The following TMEM132B variants were observed in gnomAD, a reference collection of about 807,000 sequenced individuals.
TMEM132B encodes transmembrane protein 132B.
Under a neutral mutation model 90.8 loss-of-function variants are expected in TMEM132B, and 18 were observed. The ratio of observed to expected loss-of-function variants is 0.20; its 90% CI spans 0.14 to 0.29. The LOEUF (loss-of-function observed/expected upper bound fraction) is 0.29. Ranked by LOEUF, TMEM132B falls within the 10% of genes least tolerant of loss-of-function variation. The pLI is 1.00. For missense variants in TMEM132B, 1,096 were observed against 1,326.8 expected (o/e 0.83, Z 2.70); for synonymous variants, 504 against 523.3 (o/e 0.96, Z 0.50).
chr12:125,320,642 G>T (rs434211), intron 1 of TMEM132B, among the ~76,000 whole-genome samples: 13 of 151,738 alleles, frequency 8.6e-5, no homozygotes, highest in South Asian at 2.1e-4. Context: ...GCTCCACAAG[G>T]GGGAAGCTGA....
intron 1 of TMEM132B, among the ~76,000 whole-genome samples, chr12:125,210,129 A>C (rs1873287647): frequency 6.6e-6 from 1 of 152,244 alleles, no homozygotes; most frequent in Non-Finnish European, 1.5e-5. Context: ...TGTTCAAAGC[A>C]GTAAATGCTG....
chr12:125,280,590 C>T (rs576577803), intron 1 of TMEM132B, among the ~76,000 whole-genome samples: 2 of 152,338 alleles, frequency 1.3e-5, no homozygotes, highest in Non-Finnish European at 2.9e-5. Context: ...AGGAGCAGCC[C>T]GTCTTCACTT....
Position 125,589,220 on chromosome 12 carries a change from C to T in TMEM132B, c.1437+5226C>T, listed in dbSNP as rs1032590359. Among the ~76,000 whole-genome samples, 14 of 152,004 alleles carry T rather than the reference C, an allele frequency of 9.2e-5. 1 individual carries two copies. Among genetic ancestry groups the T allele is most frequent in the African/African-American group, 1.7e-4 (7 of 41,404 alleles). ...ACCTGAGGCCGGGCACGGTGGCTCA[C>T]GCCTGTAATCCCAGCACTTTGGGAG... On this transcript the variant is annotated intron_variant, in intron 5 of 8. Transcript: ENST00000682704.
chr12:125,495,203 T>G (rs1174154646), intron 3 of TMEM132B, among the ~76,000 whole-genome samples: 12 of 51,502 alleles, frequency 2.3e-4, no homozygotes, highest in Middle Eastern at 0.024. Context: ...CAATGGCCGC[T>G]TCCCTCCTCC....
chr12:125,598,600 TCAATATAGAAAAGGTGC>T (rs1423142222), intron 5 of TMEM132B, among the ~76,000 whole-genome samples: 1 of 152,078 alleles, frequency 6.6e-6, no homozygotes, highest in Non-Finnish European at 1.5e-5. Flanking sequence ...TAGAAACAAA[TCAATATAGAAAAGGTGC>T]CAATGAAAAC....
chr12:125,444,792 G>A (rs189277739), intron 3 of TMEM132B, among the ~76,000 whole-genome samples: 3 of 152,240 alleles, frequency 2.0e-5, no homozygotes, highest in East Asian at 1.9e-4. Context: ...CTAAGTAAGC[G>A]AGATTATCCT....
Position 125,650,917 on chromosome 12 carries a change from C to G in TMEM132B, c.1878C>G (p.Thr626=), listed in dbSNP as rs1421237254. ...TCGCTCAGTTACAGGACGGCAGGAC[C>G]CTGGCTGGTCGGGAGCCGGGAATAA... The part of the protein sequence containing the change: ...PKIAQLQDGR[T]LAGREPGITT... Residue 626 remains threonine, a synonymous_variant, in exon 7 of 9, where the codon ACC becomes ACG. Transcript: ENST00000682704. The G allele has an allele frequency of 6.2e-7, 1 of 1,613,124 alleles. No individual in the cohort carries two copies. The highest frequency in any genetic ancestry group is 8.5e-7 in the Non-Finnish European group (1 of 1,180,002).
rs574561562 is a variant in TMEM132B, at chr12:125,420,955, CAGTCTCTTTGCT to C, written c.1106+5280_1106+5291del. Among the ~76,000 whole-genome samples, 398 of 152,320 alleles carry C rather than the reference CAGTCTCTTTGCT, an allele frequency of 2.6e-3. 1 individual carries two copies. Among genetic ancestry groups the C allele is most frequent in the African/African-American group, 9.3e-3 (385 of 41,568 alleles). On this transcript the variant is annotated intron_variant, in intron 3 of 8. Transcript: ENST00000682704. ...CTCTAGGGCAGGGGCAAAATGCCACCAGTCTCTTTGCTAAAACATAGCAAGAGTCACCTTTAT... is the reference window on the plus strand; with the variant it reads ...CTCTAGGGCAGGGGCAAAATGCCACCAAAACATAGCAAGAGTCACCTTTAT...
chr12:125,519,289 A>G (rs1326647716), intron 3 of TMEM132B, 150 bp from the exon 4 acceptor site: 1 of 763,300 alleles, frequency 1.3e-6, no homozygotes, highest in Non-Finnish European at 2.1e-6. Flanking sequence ...GCAGCTGTGA[A>G]TTAGGCTCCG....
chr12:125,345,778 C>T (rs575585925), intron 1 of TMEM132B, among the ~76,000 whole-genome samples: 3 of 152,288 alleles, frequency 2.0e-5, no homozygotes, highest in African/African-American at 7.2e-5. Context: ...ATTTCCTGCT[C>T]TCAGGGCCCA....
Position 125,451,828 on chromosome 12 carries a change from C to T in TMEM132B, c.1106+36151C>T, listed in dbSNP as rs139024498. Among the ~76,000 whole-genome samples, 878 of 152,300 alleles carry T rather than the reference C, an allele frequency of 5.8e-3. 8 individuals carry two copies. The highest frequency in any genetic ancestry group is 7.6e-3 in the African/African-American group (315 of 41,556). On this transcript the variant is annotated intron_variant, in intron 3 of 8. Coordinates refer to ENST00000682704, the MANE Select transcript of TMEM132B (RefSeq NM_001366854.1). ...TAGTTAGTTTACTTTTGCATGTGCC[C>T]AGAGGCACTAGCATTCCAGGATATC...
intron 1 of TMEM132B, among the ~76,000 whole-genome samples, chr12:125,289,025 T>G (rs560085197): frequency 1.5e-4 from 23 of 152,294 alleles, no homozygotes; most frequent in African/African-American, 5.3e-4. Context: ...TTTCTAAACC[T>G]TATTGCAAGG....
At chr12:125,504,716 C>A (rs1419710085) in intron 3 of TMEM132B, among the ~76,000 whole-genome samples, 1 of 152,042 alleles carries the variant, frequency 6.6e-6, no homozygotes, top group African/African-American at 2.4e-5. Flanking sequence ...CCAAAAGCAG[C>A]AGACACTTGC....
intron 2 of TMEM132B, among the ~76,000 whole-genome samples, chr12:125,369,464 C>A (rs1166054440): frequency 6.6e-6 from 1 of 152,000 alleles, no homozygotes; most frequent in Non-Finnish European, 1.5e-5. Flanking sequence ...ATAACTGAAG[C>A]CTTGGAAAGG....
At chr12:125,405,175 G>T (rs1455370489) in intron 2 of TMEM132B, among the ~76,000 whole-genome samples, 1 of 152,212 alleles carries the variant, frequency 6.6e-6, no homozygotes, top group East Asian at 1.9e-4. Flanking sequence ...AAATCAAGAT[G>T]TCCGTAGGGT....
At chr12:125,384,822 G>C (rs916274939) in intron 2 of TMEM132B, among the ~76,000 whole-genome samples, 2 of 151,936 alleles carry the variant, frequency 1.3e-5, no homozygotes, top group African/African-American at 4.8e-5. Flanking sequence ...GGCTAATTTT[G>C]TGTGTTTTTA....
chr12:125,577,077 A>G (rs1012281931), intron 4 of TMEM132B, among the ~76,000 whole-genome samples: 1 of 151,144 alleles, frequency 6.6e-6, no homozygotes, highest in Non-Finnish European at 1.5e-5. Flanking sequence ...TCTTTCTTCA[A>G]TCTTTTGTTA....
At chr12:125,516,094 C>T (rs1332418810) in intron 3 of TMEM132B, among the ~76,000 whole-genome samples, 1 of 151,892 alleles carries the variant, frequency 6.6e-6, no homozygotes, top group Non-Finnish European at 1.5e-5. Flanking sequence ...ATCTCACACA[C>T]ACTAACACAC....
chr12:125,653,023 AT>A (rs1265313808), intron 8 of TMEM132B, among the ~76,000 whole-genome samples: 1 of 152,250 alleles, frequency 6.6e-6, no homozygotes, highest in Non-Finnish European at 1.5e-5. Flanking sequence ...ACTGTTTACA[AT>A]AAGTATGGTC....
Sources: allele counts gnomAD v4.1 joint callset (sites outside exome capture counted in the v4.1 genomes callset), GRCh38; gene constraint gnomAD v4.1.1; transcripts MANE v1.5; gene names NCBI Gene and HGNC (gene_info 2026-07-23, HGNC 2026-07-21).